MCUB: variants seen among roughly 807,000 people sequenced by gnomAD.
MCUB encodes calcium uniporter regulatory subunit MCUb, mitochondrial.
In MCUB, 46 loss-of-function variants were observed where a neutral mutation model predicts 41.4. The ratio of observed to expected loss-of-function variants is 1.11; its 90% CI spans 0.88 to 1.42. The LOEUF is 1.42. Ranked by LOEUF, MCUB falls within the 40% of genes most tolerant of loss-of-function variation. The pLI is 0.00. For synonymous variants in MCUB, 148 were observed against 148.2 expected, an observed-to-expected ratio of 1.00 and a Z score of 0.01; for missense variants, 403 against 404.9, an observed-to-expected ratio of 1.00 and a Z score of 0.04.
intron 1 of MCUB, among the ~76,000 whole-genome samples, chr4:109,638,395 G>GC (rs1188490178): frequency 7.2e-6 from 1 of 139,656 alleles, no homozygotes; most frequent in African/African-American, 2.7e-5. Flanking sequence ...TATTAAGTGT[G>GC]CAATAGCATT....
At chr4:109,676,057 A>G (rs1345658463) in intron 4 of MCUB, among the ~76,000 whole-genome samples, 1 of 152,244 alleles carries the variant, frequency 6.6e-6, no homozygotes, top group Non-Finnish European at 1.5e-5. Context: ...AAAAGGTGGA[A>G]GTGGCTTTGG....
chr4:109,618,980 C>G (rs920707945), intron 1 of MCUB, among the ~76,000 whole-genome samples: 18 of 150,710 alleles, frequency 1.2e-4, no homozygotes, highest in African/African-American at 7.4e-5. Flanking sequence ...CTCTCTCTCT[C>G]TCTCTCTCTA....
intron 4 of MCUB, among the ~76,000 whole-genome samples, chr4:109,680,107 G>A (rs935632784): frequency 6.6e-6 from 1 of 152,068 alleles, no homozygotes; most frequent in Non-Finnish European, 1.5e-5. Flanking sequence ...TGGCCTGAGG[G>A]TATAAATTTT....
intron 1 of MCUB, among the ~76,000 whole-genome samples, chr4:109,641,644 A>G (rs975139271): frequency 9.2e-5 from 14 of 152,212 alleles, no homozygotes; most frequent in Non-Finnish European, 2.9e-5. Context: ...CAGCCCTTCA[A>G]TTTGTACAAA....
chr4:109,637,409 G>A (rs1728619646), intron 1 of MCUB, among the ~76,000 whole-genome samples: 1 of 152,148 alleles, frequency 6.6e-6, no homozygotes, highest in East Asian at 1.9e-4. Context: ...ATCTACCCAG[G>A]GGAAAAGAAG....
At chr4:109,626,007 T>C (rs1469300547) in intron 1 of MCUB, among the ~76,000 whole-genome samples, 1 of 152,228 alleles carries the variant, frequency 6.6e-6, no homozygotes, top group African/African-American at 2.4e-5. Flanking sequence ...AGCCTTTTTC[T>C]ATCATCATTT....
In MCUB at chr4:109,566,120, T is replaced by C. The variant is rs1366375246; in HGVS notation, c.99+5684T>C. ...ATCCTCCTGCCTTGGCCACCCAAAG[T>C]GCTGGGATTACAGGCGTGAGCCACT... is the stretch of plus-strand genomic sequence containing the variant. On this transcript the variant is annotated intron_variant, in intron 1 of 7. Coordinates refer to ENST00000394650, the MANE Select transcript of MCUB (RefSeq NM_017918.5). 2.0e-5 allele frequency among the ~76,000 whole-genome samples: 3 copies of C among 151,252 alleles called. No individual in the cohort carries two copies. In the East Asian group the frequency reaches 5.9e-4, roughly 30 times the overall value.
At position 109,610,309 on chromosome 4, in the gene MCUB, G is replaced by A. The variant is rs547378749; in HGVS notation, c.100-48702G>A. Among the ~76,000 whole-genome samples, 3 of 152,304 alleles carry A rather than the reference G, an allele frequency of 2.0e-5. No individual in the cohort carries two copies. The South Asian group carries it at 6.2e-4, about 32-fold the overall frequency. On this transcript the variant is annotated intron_variant, in intron 1 of 7. Transcript: ENST00000394650. ...TACCTGATTTTTGGTTCTTATAAAG[G>A]TGTCTTTTTTGTGTAGATGCTAAAT...
chr4:109,588,589 C>G (rs1228788475), intron 1 of MCUB, among the ~76,000 whole-genome samples: 1 of 152,176 alleles, frequency 6.6e-6, no homozygotes, highest in Admixed American at 6.6e-5. Flanking sequence ...TGCTGCCACT[C>G]TCACCCCCAC....
chr4:109,663,090 G>A (rs1014885835), intron 3 of MCUB, among the ~76,000 whole-genome samples: 1 of 152,150 alleles, frequency 6.6e-6, no homozygotes, highest in Non-Finnish European at 1.5e-5. Flanking sequence ...CAGTTTCTTC[G>A]GGATGTTACT....
At chr4:109,563,631 C>T (rs191682583) in intron 1 of MCUB, among the ~76,000 whole-genome samples, 1 of 152,134 alleles carries the variant, frequency 6.6e-6, no homozygotes, top group African/African-American at 2.4e-5. Context: ...TTAAACATTA[C>T]CACTTTTGCA....
intron 3 of MCUB, among the ~76,000 whole-genome samples, chr4:109,661,367 GCAGTTTTGAAAGGGAAATAAA>G (rs1218465632): frequency 6.6e-6 from 1 of 152,066 alleles, no homozygotes; most frequent in Non-Finnish European, 1.5e-5. Flanking sequence ...GATTACTGTT[GCAGTTTTGAAAGGGAAATAAA>G]CAGACTTTTT....
chr4:109,611,045 A>G (rs1727997131), intron 1 of MCUB, among the ~76,000 whole-genome samples: 1 of 152,226 alleles, frequency 6.6e-6, no homozygotes, highest in Admixed American at 6.5e-5. Flanking sequence ...AGAGGTAGCC[A>G]CCAACTTCCT....
chr4:109,580,275 A>G (rs527294141), intron 1 of MCUB, among the ~76,000 whole-genome samples: 4 of 152,266 alleles, frequency 2.6e-5, no homozygotes, highest in African/African-American at 7.2e-5. Flanking sequence ...AATCCAGTCT[A>G]TCATTGATGG....
chr4:109,642,222 G>A (rs1244769860), intron 1 of MCUB, among the ~76,000 whole-genome samples: 1 of 151,990 alleles, frequency 6.6e-6, no homozygotes, highest in South Asian at 2.1e-4. Flanking sequence ...TTTCTTACCC[G>A]GGTTTCAGCT....
rs953337914 is a variant in MCUB, at chr4:109,619,200, C to T, written c.100-39811C>T. 5.9e-5 allele frequency among the ~76,000 whole-genome samples: 9 copies of T among 152,128 alleles called. 1 individual carries two copies. The highest frequency in any genetic ancestry group is 3.9e-4 in the East Asian group (2 of 5,142). ...TCCTGCCTCAGCCTCCTCAGCCTCC[C>T]GAGTGGCTGGGATTATAGGTGCCTG... On this transcript the variant is annotated intron_variant, in intron 1 of 7. Coordinates refer to ENST00000394650, the MANE Select transcript of MCUB (RefSeq NM_017918.5).
chr4:109,581,442 T>A (rs1048993941), intron 1 of MCUB, among the ~76,000 whole-genome samples: 7 of 152,124 alleles, frequency 4.6e-5, no homozygotes, highest in African/African-American at 1.4e-4. Flanking sequence ...GAAGAAAACC[T>A]AGGCAATACC....
intron 1 of MCUB, among the ~76,000 whole-genome samples, chr4:109,588,920 C>T (rs781208276): frequency 1.3e-5 from 2 of 152,016 alleles, no homozygotes; most frequent in Non-Finnish European, 2.9e-5. Flanking sequence ...TTTCATACAA[C>T]CTGGTAAACC....
chr4:109,560,519 C>T, intron 1 of MCUB, 83 bp downstream of exon 1: 1 of 631,836 alleles, frequency 1.6e-6, no homozygotes, highest in Non-Finnish European at 2.3e-6. Flanking sequence ...GAGCAAAAGC[C>T]GAGCGGCCGA....
Sources: gnomAD v4.1 joint callset for allele counts (sites outside exome capture counted in the v4.1 genomes callset) on GRCh38, gnomAD v4.1.1 for gene constraint, MANE v1.5 for transcripts, NCBI Gene and HGNC (gene_info 2026-07-23, HGNC 2026-07-21) for gene names.